EP400: variants seen among roughly 807,000 people sequenced by gnomAD.
EP400 encodes E1A-binding protein p400.
In EP400, 105 loss-of-function variants were observed where a neutral mutation model predicts 354.1. The observed-to-expected ratio is 0.30, with a 90% CI of 0.25 to 0.35. EP400 has a LOEUF of 0.35. Among genes scored for constraint, EP400 ranks in the 10% least tolerant of loss-of-function variants. EP400 has a pLI of 1.00. For missense variants in EP400, 3,280 were observed against 4,121.0 expected (o/e 0.80, Z 5.59); for synonymous variants, 1,646 against 1,716.9 (o/e 0.96, Z 1.02).
intron 45 of EP400, among the ~76,000 whole-genome samples, chr12:132,059,373 G>A (rs1160224289): frequency 6.6e-6 from 1 of 151,930 alleles, no homozygotes; most frequent in Admixed American, 6.6e-5. Flanking sequence ...TGGTGGGGAC[G>A]GCCCCCGAGA....
At chr12:131,981,019 T>A (rs1229469534) in intron 3 of EP400, among the ~76,000 whole-genome samples, 2 of 152,250 alleles carry the variant, frequency 1.3e-5, no homozygotes, top group Non-Finnish European at 2.9e-5. Context: ...TTTTATTAGG[T>A]ATAAGTCATT....
chr12:131,965,425 T>C (rs1892043028), intron 2 of EP400, among the ~76,000 whole-genome samples: 1 of 152,248 alleles, frequency 6.6e-6, no homozygotes, highest in African/African-American at 2.4e-5. Context: ...CATCATTCTG[T>C]CTACATTTAT....
At position 132,066,852 on chromosome 12, in the gene EP400, G is replaced by T; in HGVS notation, c.8632G>T (p.Ala2878Ser). The change falls in exon 49 of 53, where the codon GCG becomes TCG. Residue 2878 changes from alanine to serine, a missense_variant. Ala to Ser is a moderately conservative substitution (Grantham distance 99). Transcript: ENST00000389561. ...QAPQPAQVAL[A>S]KPPVVSVPAA... is the part of the protein sequence containing the mutation. ...ACCCCAGCCAGCCCAGGTGGCCTTGGCGAAGCCTCCGGTGGTGTCCGTCCC... is the reference window on the plus strand; with the variant it reads ...ACCCCAGCCAGCCCAGGTGGCCTTGTCGAAGCCTCCGGTGGTGTCCGTCCC... 6.2e-7 allele frequency: 1 copy of T among 1,614,046 alleles called. No homozygotes were observed.
chr12:132,026,852 C>T (rs1157639983), intron 25 of EP400, among the ~76,000 whole-genome samples: 1 of 152,212 alleles, frequency 6.6e-6, no homozygotes, highest in African/African-American at 2.4e-5. Context: ...CCTCTTTGAC[C>T]ACATCTTTGT....
intron 12 of EP400, among the ~76,000 whole-genome samples, chr12:131,997,863 A>G (rs551648086): frequency 6.6e-6 from 1 of 152,238 alleles, no homozygotes; most frequent in African/African-American, 2.4e-5. Context: ...TCAAAGTTAC[A>G]ATTTCTAAGA....
At position 132,018,325 on chromosome 12, in the gene EP400, CT is replaced by C; in HGVS notation, c.4228del (p.Ser1410GlnfsTer13). 1 of 1,613,292 alleles carries C rather than the reference CT, an allele frequency of 6.2e-7. No individual in the cohort carries two copies. Among genetic ancestry groups the C allele is most frequent in the Non-Finnish European group, 8.5e-7 (1 of 1,179,824 alleles). On this transcript the variant is annotated frameshift_variant, in exon 21 of 53. Transcript: ENST00000389561. LOFTEE classifies it high-confidence loss of function. This position sits in a 1 kb window ranked among gnomAD's most constrained non-coding sequence, Gnocchi z 4.0. ...CGGAAACTCATGGAGGAAATCTCCACTTCAGCAGCCCCAGCAGCCCGACCAG... is the reference window on the plus strand; with the variant it reads ...CGGAAACTCATGGAGGAAATCTCCACTCAGCAGCCCCAGCAGCCCGACCAG... ...IPRKLMEEIS[T>X]SAAPAARPAA...
chr12:131,973,495 T>C (rs2136480846), intron 2 of EP400, among the ~76,000 whole-genome samples: 1 of 152,188 alleles, frequency 6.6e-6, no homozygotes, highest in South Asian at 2.1e-4. Context: ...TACCAAAAAT[T>C]TGCCGGGTGT....
chr12:131,956,072 C>T (rs1296129750), intron 1 of EP400, among the ~76,000 whole-genome samples: 1 of 152,206 alleles, frequency 6.6e-6, no homozygotes, highest in Non-Finnish European at 1.5e-5. Flanking sequence ...CCGCCTTCAG[C>T]CCCTGTCAGG....
At chr12:131,956,636 G>A (rs1000346423) in intron 1 of EP400, among the ~76,000 whole-genome samples, 2 of 151,942 alleles carry the variant, frequency 1.3e-5, no homozygotes, top group Admixed American at 6.6e-5. Flanking sequence ...CCTACAGGGC[G>A]TTTTTTGGGT....
rs1180124072 is a variant in EP400, at chr12:131,990,094, A to G, written c.2540A>G (p.Asn847Ser). The G allele has an allele frequency of 4.3e-6, 7 of 1,610,066 alleles. No homozygotes were observed. Among genetic ancestry groups the G allele is most frequent in the South Asian group, 1.1e-5 (1 of 90,636 alleles). ...TAREIECFWSNIEQVVEIKLR... is the reference protein window; with the variant it reads ...TAREIECFWSSIEQVVEIKLR... ...CGGGAGATAGAGTGCTTTTGGTCGA[A>G]TATTGAACAGGCGAGTGCTGCCGTT... Residue 847 changes from asparagine (N) to serine (S), a missense_variant, in exon 8 of 53, where the codon AAT becomes AGT. This residue lies in a region of EP400 where 800 missense variants were observed against 840.0 expected (regional missense o/e 0.95). Transcript: ENST00000389561. This position sits in a 1 kb window ranked among gnomAD's most constrained non-coding sequence, Gnocchi z 4.2.
chr12:132,076,241 T>G, intron 51 of EP400: 78 of 461,250 alleles, frequency 1.7e-4, no homozygotes, highest in East Asian at 2.8e-4. Context: ...TTGCAGTCGT[T>G]TTTGTGAAAA....
intron 2 of EP400, among the ~76,000 whole-genome samples, chr12:131,979,427 G>A (rs896659248): frequency 1.3e-5 from 2 of 152,104 alleles, no homozygotes; most frequent in African/African-American, 4.8e-5. Context: ...CCCAAGGACT[G>A]TAGGTTTGCA....
chr12:132,002,916 C>T (rs1660223967), intron 12 of EP400, among the ~76,000 whole-genome samples: 1 of 152,178 alleles, frequency 6.6e-6, no homozygotes. Flanking sequence ...GAGCTTTCTT[C>T]ACAGAGATGT....
In EP400 at chr12:131,982,389, C is replaced by T. The variant is rs747116717; in HGVS notation, c.1840C>T (p.Pro614Ser). Reference protein sequence around the residue: ...PAPPSSQLPIPPSQPAQLALH... With the variant: ...PAPPSSQLPISPSQPAQLALH... The stretch of plus-strand genomic sequence containing the variant: ...ACCGCCCAGCAGCCAACTCCCCATC[C>T]CTCCCTCGCAGCCTGCACAGCTGGC... Residue 614 changes from proline (P) to serine (S), a missense_variant, in exon 5 of 53, where the codon CCT becomes TCT. Pro to Ser is a moderately conservative substitution (Grantham distance 74). Transcript: ENST00000389561. The T allele has an allele frequency of 1.2e-6, 2 of 1,614,220 alleles. No homozygotes were observed. The highest frequency in any genetic ancestry group is 4.5e-5 in the East Asian group (2 of 44,874).
intron 15 of EP400, 49 bp downstream of exon 15, chr12:132,006,926 C>G (rs772939745): frequency 6.2e-7 from 1 of 1,603,054 alleles, no homozygotes; most frequent in Admixed American, 1.7e-5. Context: ...TAGGACTTAC[C>G]TATAGGCCAG....
In EP400 at chr12:131,960,720, C is replaced by A. The variant is rs1566160721; in HGVS notation, c.101C>A (p.Pro34Gln). ...GAGGAGCAGCCGGCCCACCCCAACCCACCCCCGTCCCCCGCAGCTCCCTTC... is the reference window on the plus strand; with the variant it reads ...GAGGAGCAGCCGGCCCACCCCAACCAACCCCCGTCCCCCGCAGCTCCCTTC... Reference protein sequence around the residue: ...EGEEQPAHPNPPPSPAAPFAP... With the variant: ...EGEEQPAHPNQPPSPAAPFAP... The change falls in exon 2 of 53, where the codon CCA becomes CAA. Residue 34 changes from proline (P) to glutamine (Q), a missense_variant. Pro to Gln is a moderately conservative substitution (Grantham distance 76). Transcript: ENST00000389561. 1 of 1,578,534 alleles carries A rather than the reference C, an allele frequency of 6.3e-7. No individual in the cohort carries two copies. The highest frequency in any genetic ancestry group is 2.3e-5 in the East Asian group (1 of 43,438).
intron 41 of EP400, 51 bp from the exon 42 acceptor site, chr12:132,053,095 T>G (rs1464703200): frequency 6.3e-7 from 1 of 1,591,020 alleles, no homozygotes; most frequent in African/African-American, 1.3e-5. Flanking sequence ...GTGGTACTTG[T>G]CTGTCTTAAA....
At chr12:131,953,585 C>A (rs1655765663) in intron 1 of EP400, among the ~76,000 whole-genome samples, 1 of 152,198 alleles carries the variant, frequency 6.6e-6, no homozygotes, top group Non-Finnish European at 1.5e-5. Flanking sequence ...AGACAATTTT[C>A]AAATTCAGTT....
In EP400 at chr12:132,063,846, C is replaced by T. The variant is rs372697302; in HGVS notation, c.8335-822C>T. 3.4e-4 allele frequency among the ~76,000 whole-genome samples: 52 copies of T among 152,282 alleles called. No individual in the cohort carries two copies. The East Asian group carries it at 4.6e-3, about 14-fold the overall frequency. Reference sequence around the variant, plus strand: ...TGTGGCTACCACCCTGGGCAGCCCCCGCCTAGCCCACTTGTATCCTGCGGG... The same window carrying T: ...TGTGGCTACCACCCTGGGCAGCCCCTGCCTAGCCCACTTGTATCCTGCGGG... On this transcript the variant is annotated intron_variant, in intron 47 of 52. Coordinates refer to ENST00000389561, the MANE Select transcript of EP400 (RefSeq NM_015409.5).
Sources: gnomAD v4.1 joint callset for allele counts (sites outside exome capture counted in the v4.1 genomes callset) on GRCh38, gnomAD v4.1.1 for gene constraint, gnomAD v4.1.1 regional missense constraint, Gnocchi (gnomAD v3.1) non-coding constraint, MANE v1.5 for transcripts, NCBI Gene and HGNC (gene_info 2026-07-23, HGNC 2026-07-21) for gene names.